Variants in FAM168A observed in about 807,000 individuals in gnomAD.
FAM168A encodes the protein protein FAM168A.
Under a neutral mutation model 28.5 loss-of-function variants are expected in FAM168A, and 3 were observed. The observed-to-expected ratio is 0.11, with a 90% confidence interval of 0.05 to 0.27. FAM168A has a LOEUF of 0.27. Ranked by LOEUF, FAM168A falls within the 10% of genes least tolerant of loss-of-function variation. The pLI is 1.00. For synonymous variants in FAM168A, 122 were observed against 124.2 expected (o/e 0.98, Z 0.12); for missense variants, 222 against 311.5 (o/e 0.71, Z 2.16).
chr11:73,494,141 T>C (rs1249594205), intron 1 of FAM168A, among the ~76,000 whole-genome samples: 10 of 152,170 alleles, frequency 6.6e-5, no homozygotes, highest in Admixed American at 4.6e-4. Flanking sequence ...TATGTACATA[T>C]ACATGTACAT....
chr11:73,409,630 G>A lies in FAM168A; in HGVS notation c.452C>T (p.Ala151Val), dbSNP rs1170887648. 1.2e-6 allele frequency: 2 copies of A among 1,612,334 alleles called. No individual in the cohort carries two copies. Among genetic ancestry groups the A allele is most frequent in the Non-Finnish European group, 1.7e-6 (2 of 1,179,180 alleles). ...GAYYTQPVYA[A>V]QPHVIHHTTV... ...GGTATGGTGGATGACATGAGGCTGG[G>A]CAGCATACACCGGCTGTGTGTAGTA... Residue 151 changes from alanine (A) to valine (V), a missense_variant, in exon 6 of 8, where the codon GCC (alanine) becomes GTC (valine). Ala to Val is a moderately conservative substitution (Grantham distance 64). Coordinates refer to ENST00000356467, the MANE Select transcript of FAM168A (RefSeq NM_015159.3).
chr11:73,534,738 A>G (rs1438121356), intron 1 of FAM168A, among the ~76,000 whole-genome samples: 2 of 152,140 alleles, frequency 1.3e-5, no homozygotes, highest in Non-Finnish European at 2.9e-5. Context: ...GCATGCTAAA[A>G]TCAGGGGAAT....
At chr11:73,447,423 C>A (rs11235757) in intron 2 of FAM168A, among the ~76,000 whole-genome samples, 5 of 151,702 alleles carry the variant, frequency 3.3e-5, no homozygotes, top group Admixed American at 1.3e-4. Context: ...CACAGCAGTG[C>A]GCATCTGTAT....
At chr11:73,596,380 CT>C (rs979520162) in intron 1 of FAM168A, among the ~76,000 whole-genome samples, 5 of 152,068 alleles carry the variant, frequency 3.3e-5, no homozygotes, top group African/African-American at 4.8e-5. Context: ...TGGAAGTATG[CT>C]TTTTTCCCCC....
intron 1 of FAM168A, among the ~76,000 whole-genome samples, chr11:73,481,131 T>C (rs908116657): frequency 1.3e-5 from 2 of 152,124 alleles, no homozygotes; most frequent in Admixed American, 1.3e-4. Flanking sequence ...ATTGCCCAGG[T>C]TGGACTCAAA....
At chr11:73,491,227 G>A (rs1287041840) in intron 1 of FAM168A, among the ~76,000 whole-genome samples, 1 of 152,212 alleles carries the variant, frequency 6.6e-6, no homozygotes, top group African/African-American at 2.4e-5. Context: ...AGCCCATGGA[G>A]AGGGGAAGAC....
Position 73,419,998 on chromosome 11 carries a change from T to A in FAM168A, c.153A>T (p.Ala51=), listed in dbSNP as rs1467553204. ...GCCAGGCCTGTTTCATCAGCAGAGT[T>A]GCTTAAGGGAAGACACAAGAATGGC... ...YPTNSPSYAP[A]TLLMKQAWPQ... Residue 51 remains alanine (A), a splice_region_variant and synonymous_variant, in exon 4 of 8, where the codon GCA becomes GCT. Coordinates refer to ENST00000356467, the MANE Select transcript of FAM168A (RefSeq NM_015159.3). 6.2e-7 allele frequency: 1 copy of A among 1,613,158 alleles called. No homozygotes were observed. Among genetic ancestry groups the A allele is most frequent in the South Asian group, 1.1e-5 (1 of 90,988 alleles).
intron 1 of FAM168A, among the ~76,000 whole-genome samples, chr11:73,517,390 C>A (rs1406592337): frequency 6.6e-6 from 1 of 152,080 alleles, no homozygotes. Flanking sequence ...CCAATTTCCA[C>A]CCCCCTTCCC....
At chr11:73,450,468 C>A (rs898732717) in intron 2 of FAM168A, among the ~76,000 whole-genome samples, 25 of 152,092 alleles carry the variant, frequency 1.6e-4, no homozygotes, top group Non-Finnish European at 1.5e-5. Flanking sequence ...GGTTTGTAGG[C>A]CCAGGGGTTA....
Position 73,403,374 on chromosome 11 carries a change from A to G in FAM168A, c.*3389T>C, listed in dbSNP as rs1398894084. ...GGTCAGGTAGAAGTAGAAGAATTCA[A>G]AAGGGTTGGCTGGTAACGAGCCATC... On this transcript the variant is annotated 3_prime_UTR_variant, in exon 8 of 8. Coordinates refer to ENST00000356467, the MANE Select transcript of FAM168A (RefSeq NM_015159.3). The G allele has an allele frequency of 6.6e-6, 1 of 152,222 alleles. No individual in the cohort carries two copies. The highest frequency in any genetic ancestry group is 6.5e-5 in the Admixed American group (1 of 15,278). The allele number at this position is 152,222 out of a possible 1,614,324, so 9.4% of individuals were successfully genotyped here.
At chr11:73,409,301 CG>C (rs1395505574) in intron 6 of FAM168A, among the ~76,000 whole-genome samples, 185 bp downstream of exon 6, 2 of 152,154 alleles carry the variant, frequency 1.3e-5, no homozygotes, top group Non-Finnish European at 1.5e-5. Flanking sequence ...TAGCTCGATA[CG>C]TCCTTCTTGG....
intron 2 of FAM168A, among the ~76,000 whole-genome samples, chr11:73,460,026 G>A (rs186431112): frequency 3.3e-5 from 5 of 151,790 alleles, no homozygotes; most frequent in African/African-American, 4.8e-5. Context: ...GAGTACAGGC[G>A]CCCACCACCA....
chr11:73,519,507 G>A (rs939793965), intron 1 of FAM168A, among the ~76,000 whole-genome samples: 21 of 152,270 alleles, frequency 1.4e-4, no homozygotes, highest in African/African-American at 4.8e-4. Context: ...ACATGTAACA[G>A]AAGCTTATAA....
intron 1 of FAM168A, among the ~76,000 whole-genome samples, chr11:73,545,444 G>T (rs1943734744): frequency 6.6e-6 from 1 of 151,946 alleles, no homozygotes; most frequent in Admixed American, 6.6e-5. Context: ...TGGTGGAGAA[G>T]GGGACAACAG....
chr11:73,402,324 G>A lies in FAM168A; in HGVS notation c.*4439C>T, dbSNP rs1230156193. The A allele has an allele frequency of 6.6e-6, 1 of 152,276 alleles. No individual in the cohort carries two copies. Among genetic ancestry groups the A allele is most frequent in the Non-Finnish European group, 1.5e-5 (1 of 68,056 alleles). The allele number at this position is 152,276 out of a possible 1,614,324, so 9.4% of individuals were successfully genotyped here. A position where few individuals can be genotyped will look rare whatever the true frequency, so the allele number is the denominator to read the frequency against. On this transcript the variant is annotated 3_prime_UTR_variant, in exon 8 of 8. Coordinates refer to ENST00000356467, the MANE Select transcript of FAM168A (RefSeq NM_015159.3). ...CAAAGCTGAGGAATTTGATATGGAA[G>A]CTCTGAGCCTCGCTTAGTCAGTGCC...
intron 1 of FAM168A, among the ~76,000 whole-genome samples, chr11:73,513,392 A>G (rs966674622): frequency 2.8e-5 from 4 of 144,068 alleles, no homozygotes; most frequent in Non-Finnish European, 4.6e-5. Flanking sequence ...TTTTTTTTGT[A>G]TTTTTAGTAG....
intron 3 of FAM168A, chr11:73,421,005 A>C (rs1866781880): frequency 6.7e-6 from 1 of 148,410 alleles, no homozygotes; most frequent in Non-Finnish European, 1.5e-5. Flanking sequence ...AACATTCTTG[A>C]CTCAAATTAC....
At chr11:73,568,826 C>T (rs565259960) in intron 1 of FAM168A, among the ~76,000 whole-genome samples, 9 of 152,048 alleles carry the variant, frequency 5.9e-5, no homozygotes, top group Non-Finnish European at 1.0e-4. Context: ...ACCCAGGAGG[C>T]GGAGGTTGCA....
At chr11:73,551,522 T>C (rs1943828535) in intron 1 of FAM168A, among the ~76,000 whole-genome samples, 1 of 152,198 alleles carries the variant, frequency 6.6e-6, no homozygotes, top group Non-Finnish European at 1.5e-5. Flanking sequence ...AACTAAAAAT[T>C]TAACTGCACT....
Sources: allele counts gnomAD v4.1 joint callset (sites outside exome capture counted in the v4.1 genomes callset), GRCh38; gene constraint gnomAD v4.1.1; transcripts MANE v1.5; gene names NCBI Gene and HGNC (gene_info 2026-07-23, HGNC 2026-07-21).